The following SWAP70 variants were observed in gnomAD, a reference collection of about 807,000 sequenced individuals.
SWAP70 encodes the protein switching B cell complex subunit SWAP70.
In SWAP70, 34 loss-of-function variants were observed where a neutral mutation model predicts 80.2. That is an observed-to-expected ratio of 0.42 (90% CI 0.32 to 0.56). The LOEUF is 0.56. SWAP70 is among the 20% of genes least tolerant of loss of function. SWAP70 has a pLI of 0.09. For synonymous variants in SWAP70, 239 were observed against 238.5 expected (o/e 1.00, Z -0.02); for missense variants, 578 against 690.7 (o/e 0.84, Z 1.83).
At chr11:9,674,821 T>C (rs1361494584) in intron 1 of SWAP70, among the ~76,000 whole-genome samples, 4 of 151,350 alleles carry the variant, frequency 2.6e-5, no homozygotes, top group Non-Finnish European at 4.4e-5. Flanking sequence ...AAAAAGAAAT[T>C]AGCTGGGCGT....
At chr11:9,711,707 G>A (rs1187250163) in intron 2 of SWAP70, among the ~76,000 whole-genome samples, 1 of 152,182 alleles carries the variant, frequency 6.6e-6, no homozygotes, top group African/African-American at 2.4e-5. Flanking sequence ...GTTCCCGTGA[G>A]TGGTTCAGCC....
chr11:9,697,875 T>A lies in SWAP70; in HGVS notation c.240+3589T>A, dbSNP rs577495656. On this transcript the variant is annotated intron_variant, in intron 2 of 11. Coordinates refer to ENST00000318950, the MANE Select transcript of SWAP70 (RefSeq NM_015055.4). ...AGCTCCCTGCAACCTTGAACTCCTA[T>A]GCTAAATAAAGTAGTCCTCTTGCCT... Among the ~76,000 whole-genome samples, 8 of 152,222 alleles carry A rather than the reference T, an allele frequency of 5.3e-5. No homozygotes were observed. In the South Asian group the frequency reaches 1.7e-3, roughly 32 times the overall value.
At chr11:9,703,493 C>A (rs1307063678) in intron 2 of SWAP70, 1 of 456,236 alleles carries the variant, frequency 2.2e-6, no homozygotes. Flanking sequence ...TTTTGTTGAT[C>A]CTTTAGCTCT....
At position 9,675,382 on chromosome 11, in the gene SWAP70, A is replaced by C. The variant is rs868235865; in HGVS notation, c.99+11104A>C. 6.3e-3 allele frequency among the ~76,000 whole-genome samples: 640 copies of C among 101,810 alleles called. 54 individuals carry two copies. The highest frequency in any genetic ancestry group is 0.02 in the South Asian group (42 of 2,072). 66.8% of individuals were successfully genotyped at this position (101,810 alleles called of 152,430 possible). A position where few individuals can be genotyped will look rare whatever the true frequency, so the allele number is the denominator to read the frequency against. ...GAGAGAGAGAGAGAGAGAGAGAGAGAGAGAGAGAGAGAGAGAGAGAGAGAG... is the reference window on the plus strand; with the variant it reads ...GAGAGAGAGAGAGAGAGAGAGAGAGCGAGAGAGAGAGAGAGAGAGAGAGAG... On this transcript the variant is annotated intron_variant, in intron 1 of 11. Coordinates refer to ENST00000318950, the MANE Select transcript of SWAP70 (RefSeq NM_015055.4).
chr11:9,736,052 T>A (rs1348275092), intron 7 of SWAP70, among the ~76,000 whole-genome samples: 1 of 152,184 alleles, frequency 6.6e-6, no homozygotes, highest in African/African-American at 2.4e-5. Flanking sequence ...TTTTCTTCTT[T>A]TTTATTTTCT....
chr11:9,737,106 G>C (rs2133813705), intron 7 of SWAP70, among the ~76,000 whole-genome samples: 1 of 152,354 alleles, frequency 6.6e-6, no homozygotes, highest in South Asian at 2.1e-4. Context: ...TTCTCATGGA[G>C]CTTCTGGCCT....
chr11:9,681,416 ACAGT>A (rs1337730916), intron 1 of SWAP70, among the ~76,000 whole-genome samples: 2 of 152,254 alleles, frequency 1.3e-5, no homozygotes, highest in East Asian at 1.9e-4. Context: ...TTATTGACTG[ACAGT>A]CTGTCTTAGA....
At chr11:9,692,481 T>A (rs569044653) in intron 1 of SWAP70, among the ~76,000 whole-genome samples, 1 of 152,042 alleles carries the variant, frequency 6.6e-6, no homozygotes, top group Admixed American at 6.5e-5. Context: ...TTAATTTATG[T>A]TGGAGATCTT....
At chr11:9,708,250 A>G (rs185878654) in intron 2 of SWAP70, among the ~76,000 whole-genome samples, 20 of 152,266 alleles carry the variant, frequency 1.3e-4, no homozygotes, top group Middle Eastern at 3.4e-3. Flanking sequence ...CCATTTTACA[A>G]TCCCACCAAC....
In SWAP70 at chr11:9,694,148, C is replaced by G. The variant is rs1289648080; in HGVS notation, c.102C>G (p.Val34=). 6.3e-7 allele frequency: 1 copy of G among 1,589,590 alleles called. No individual in the cohort carries two copies. The highest frequency in any genetic ancestry group is 8.6e-7 in the Non-Finnish European group (1 of 1,169,512). ...AACGATTTTCTTTTCCCTTGCAGGTCCTTTCCCATAACCTGTGCACGGTGC... is the reference window on the plus strand; with the variant it reads ...AACGATTTTCTTTTCCCTTGCAGGTGCTTTCCCATAACCTGTGCACGGTGC... ...SGKVSKSQLK[V]LSHNLCTVLK... is the part of the protein sequence containing the mutation. The change falls in exon 2 of 12, where the codon GTC becomes GTG. Residue 34 remains valine, a splice_region_variant and synonymous_variant. Coordinates refer to ENST00000318950, the MANE Select transcript of SWAP70 (RefSeq NM_015055.4).
chr11:9,707,552 C>CTTTTTTTTTTT (rs200003596), intron 2 of SWAP70, among the ~76,000 whole-genome samples: 1 of 132,280 alleles, frequency 7.6e-6, no homozygotes, highest in Non-Finnish European at 1.6e-5. Flanking sequence ...TTTTCTTTTT[C>CTTTTTTTTTTT]TTTTCTTTTT....
chr11:9,727,594 A>C (rs1459727492), intron 4 of SWAP70, among the ~76,000 whole-genome samples: 1 of 152,226 alleles, frequency 6.6e-6, no homozygotes, highest in Non-Finnish European at 1.5e-5. Context: ...GGAATAGACC[A>C]GTATAATGAA....
chr11:9,718,874 A>G (rs1351868309), intron 3 of SWAP70, among the ~76,000 whole-genome samples: 3 of 151,910 alleles, frequency 2.0e-5, no homozygotes, highest in African/African-American at 7.3e-5. Flanking sequence ...CTGAGGTGGG[A>G]GGATTGCTTG....
chr11:9,738,461 C>T (rs1217291679), intron 8 of SWAP70, 141 bp downstream of exon 8: 1 of 478,588 alleles, frequency 2.1e-6, no homozygotes, highest in Non-Finnish European at 3.6e-6. Flanking sequence ...GGGGAAGTTG[C>T]ATGTTTGTTC....
At chr11:9,699,906 CAGTAA>C (rs1331110762) in intron 2 of SWAP70, among the ~76,000 whole-genome samples, 1 of 149,416 alleles carries the variant, frequency 6.7e-6, no homozygotes, top group East Asian at 1.9e-4. Flanking sequence ...TAGATACAGA[CAGTAA>C]ATAGAATTGT....
At chr11:9,685,692 G>T (rs575740190) in intron 1 of SWAP70, among the ~76,000 whole-genome samples, 1 of 151,960 alleles carries the variant, frequency 6.6e-6, no homozygotes, top group South Asian at 2.1e-4. Flanking sequence ...GGAGTACAGT[G>T]GTGTGATTTC....
rs553468421 is a variant in SWAP70, at chr11:9,751,518, G to C, written c.*1548G>C. On this transcript the variant is annotated 3_prime_UTR_variant, in exon 12 of 12. Transcript: ENST00000318950. ...ATTCAGTTGTTGCAAAAAAAGGGCAGAATTCAGTAGAATAAAGTCCTTTTC... is the reference window on the plus strand; with the variant it reads ...ATTCAGTTGTTGCAAAAAAAGGGCACAATTCAGTAGAATAAAGTCCTTTTC... 36 of 152,312 alleles carry C rather than the reference G, an allele frequency of 2.4e-4. No homozygotes were observed. Among genetic ancestry groups the C allele is most frequent in the African/African-American group, 8.2e-4 (34 of 41,560 alleles). 9.4% of individuals were successfully genotyped at this position (152,312 alleles called of 1,614,324 possible).
chr11:9,710,274 T>G (rs1213830936), intron 2 of SWAP70, among the ~76,000 whole-genome samples: 1 of 152,152 alleles, frequency 6.6e-6, no homozygotes, highest in Non-Finnish European at 1.5e-5. Flanking sequence ...ATAAAATGCC[T>G]AGCATATAGT....
intron 7 of SWAP70, among the ~76,000 whole-genome samples, chr11:9,734,744 T>A (rs573859992): frequency 3.9e-4 from 60 of 152,166 alleles, no homozygotes; most frequent in Non-Finnish European, 7.8e-4. Flanking sequence ...TGCCTCAATA[T>A]CTCAAGTAGC....
Sources: gnomAD v4.1 joint callset for allele counts (sites outside exome capture counted in the v4.1 genomes callset) on GRCh38, gnomAD v4.1.1 for gene constraint, MANE v1.5 for transcripts, NCBI Gene and HGNC (gene_info 2026-07-23, HGNC 2026-07-21) for gene names.